Variants in PKHD1 observed in about 807,000 individuals in gnomAD.
The protein encoded by PKHD1 is PKHD1 ciliary IPT domain containing fibrocystin/polyductin.
A neutral mutation model predicts 412.0 loss-of-function variants in PKHD1; 291 were observed. The ratio of observed to expected loss-of-function variants is 0.71; its 90% confidence interval spans 0.64 to 0.78. The LOEUF (loss-of-function observed/expected upper bound fraction) is 0.78. Ranked by LOEUF, PKHD1 falls within the 30% of genes least tolerant of loss-of-function variation. The probability of loss-of-function intolerance (pLI) is 0.00; values close to 1 mark genes in which losing one functional copy is unlikely to be tolerated. For synonymous variants in PKHD1, 1,777 were observed against 1,821.5 expected, an observed-to-expected ratio of 0.98 and a Z score of 0.62; for missense variants, 4,825 against 4,950.7, an observed-to-expected ratio of 0.97 and a Z score of 0.76.
chr6:51,654,387 C>G (rs1771470875), intron 61 of PKHD1, among the ~76,000 whole-genome samples: 1 of 152,084 alleles, frequency 6.6e-6, no homozygotes, highest in Non-Finnish European at 1.5e-5. Context: ...TTTCAAATCT[C>G]TAGATTCTTA....
chr6:52,058,729 C>T, intron 15 of PKHD1, 128 bp from the exon 16 acceptor site: 1 of 862,352 alleles, frequency 1.2e-6, no homozygotes, highest in Non-Finnish European at 1.9e-6. Flanking sequence ...AACATATTAA[C>T]CCAGTTACCT....
intron 7 of PKHD1, among the ~76,000 whole-genome samples, chr6:52,073,058 C>G (rs1232657709): frequency 6.6e-6 from 1 of 152,166 alleles, no homozygotes; most frequent in Non-Finnish European, 1.5e-5. Context: ...TCTGACCCCA[C>G]TAATACAATT....
At chr6:51,866,450 A>G (rs1204014498) in intron 48 of PKHD1, among the ~76,000 whole-genome samples, 1 of 152,172 alleles carries the variant, frequency 6.6e-6, no homozygotes, top group Admixed American at 6.6e-5. Context: ...TGGTGGGATC[A>G]TGACCTGCCA....
Position 52,010,396 on chromosome 6 carries a change from A to C in PKHD1, c.5664T>G (p.Thr1888=). ...YNSSCNITME[T]EAEMECETPN... ...GCGTCTCACACTCCATCTCTGCCTC[A>C]GTTTCCATGGTAATGTTACAGGAGC... Residue 1888 remains threonine, a synonymous_variant, in exon 35 of 67, where the codon ACT becomes ACG. Transcript: ENST00000371117. The C allele has an allele frequency of 6.2e-7, 1 of 1,611,052 alleles. No homozygotes were observed. Among genetic ancestry groups the C allele is most frequent in the Non-Finnish European group, 8.5e-7 (1 of 1,177,254 alleles).
At chr6:51,761,677 T>C (rs542077796) in intron 55 of PKHD1, among the ~76,000 whole-genome samples, 1 of 152,166 alleles carries the variant, frequency 6.6e-6, no homozygotes, top group Admixed American at 6.6e-5. Flanking sequence ...AATACATGCA[T>C]CAAAACATCA....
rs867328640 is a variant in PKHD1 at position 52,025,569 on chromosome 6, A to G, written c.4241T>C (p.Leu1414Pro). The change falls in exon 32 of 67, where the codon CTT (leucine) becomes CCT (proline). Residue 1414 changes from leucine (L) to proline (P), a missense_variant. Coordinates refer to ENST00000371117, the MANE Select transcript of PKHD1 (RefSeq NM_138694.4). ...CCGAACTGACCTCCTTCTAGAGTTAAGAAGCAACCCCCTCACAGTAAGTAT... is the reference window on the plus strand; with the variant it reads ...CCGAACTGACCTCCTTCTAGAGTTAGGAAGCAACCCCCTCACAGTAAGTAT... ...GTILTVRGLL[L>P]NSRRRSVRVD... is the part of the protein sequence containing the mutation. The G allele has an allele frequency of 6.2e-7, 1 of 1,614,228 alleles. No homozygotes were observed. The highest frequency in any genetic ancestry group is 8.5e-7 in the Non-Finnish European group (1 of 1,180,046).
chr6:52,040,839 T>A (rs1360431761), intron 27 of PKHD1, among the ~76,000 whole-genome samples: 1 of 152,154 alleles, frequency 6.6e-6, no homozygotes, highest in Non-Finnish European at 1.5e-5. Flanking sequence ...CCCCTTCCCT[T>A]CTTGATTTTT....
intron 36 of PKHD1, among the ~76,000 whole-genome samples, chr6:51,949,935 T>C (rs1295845265): frequency 1.3e-5 from 2 of 152,026 alleles, no homozygotes; most frequent in African/African-American, 2.4e-5. Flanking sequence ...AAAATAGATA[T>C]CAGAAGAAAT....
At chr6:51,967,136 T>C (rs923135333) in intron 35 of PKHD1, among the ~76,000 whole-genome samples, 2 of 151,040 alleles carry the variant, frequency 1.3e-5, no homozygotes, top group East Asian at 3.9e-4. Flanking sequence ...GTTCTTCATA[T>C]GTCATAGAAA....
intron 60 of PKHD1, among the ~76,000 whole-genome samples, chr6:51,680,184 G>T (rs1158776788): frequency 6.6e-6 from 1 of 151,960 alleles, no homozygotes; most frequent in East Asian, 1.9e-4. Context: ...AGTCTCTCTA[G>T]CAGTACTAGA....
chr6:51,700,267 G>C (rs1470055930), intron 60 of PKHD1, among the ~76,000 whole-genome samples: 1 of 151,972 alleles, frequency 6.6e-6, no homozygotes, highest in African/African-American at 2.4e-5. Flanking sequence ...GACAGAATGA[G>C]AACTATGAAA....
At chr6:51,814,430 T>G (rs931761336) in intron 52 of PKHD1, among the ~76,000 whole-genome samples, 1 of 152,168 alleles carries the variant, frequency 6.6e-6, no homozygotes, top group East Asian at 1.9e-4. Context: ...CTTTTATAGT[T>G]TCACCAAAAA....
intron 35 of PKHD1, among the ~76,000 whole-genome samples, chr6:51,994,961 A>G (rs533515366): frequency 1.3e-5 from 2 of 152,274 alleles, no homozygotes; most frequent in East Asian, 3.9e-4. Context: ...AGATCAGCCA[A>G]TCTCAGACCA....
In PKHD1 at chr6:51,856,046, A is replaced by T; in HGVS notation, c.7758T>A (p.Tyr2586Ter). 6.2e-7 allele frequency: 1 copy of T among 1,604,118 alleles called. No individual in the cohort carries two copies. Among genetic ancestry groups the T allele is most frequent in the Non-Finnish European group, 8.5e-7 (1 of 1,171,304 alleles). The change falls in exon 49 of 67, where the codon TAT (tyrosine) becomes TAA (stop). Residue 2586 changes from tyrosine (Y) to a stop codon, truncating the protein, a stop_gained. Transcript: ENST00000371117. LOFTEE classifies it high-confidence loss of function. ...IGLANTPEVS[Y>*]DLTMTDSRNK... ...TTCTGCTGTCAGTCATGGTTAAATC[A>T]TAAGAAACTTCAGGAGTATTCGCTC...
At chr6:51,621,098 A>G (rs1205183836) in intron 66 of PKHD1, among the ~76,000 whole-genome samples, 1 of 152,164 alleles carries the variant, frequency 6.6e-6, no homozygotes, top group Non-Finnish European at 1.5e-5. Flanking sequence ...TTATGCCTCA[A>G]TACTTGTCTG....
intron 11 of PKHD1, 96 bp downstream of exon 11, chr6:52,069,361 T>C: frequency 1.1e-6 from 1 of 871,246 alleles, no homozygotes; most frequent in Non-Finnish European, 2.0e-6. Context: ...GCTTCGGGTG[T>C]TAATGGTCAT....
intron 43 of PKHD1, among the ~76,000 whole-genome samples, chr6:51,892,660 A>G (rs1779292383): frequency 6.6e-6 from 1 of 152,228 alleles, no homozygotes; most frequent in Admixed American, 6.5e-5. Context: ...TGGAAAGACA[A>G]GCCTAAATAT....
At chr6:51,962,441 C>A (rs930475576) in intron 35 of PKHD1, among the ~76,000 whole-genome samples, 1 of 152,114 alleles carries the variant, frequency 6.6e-6, no homozygotes, top group Non-Finnish European at 1.5e-5. Flanking sequence ...TAGAGACTTT[C>A]TTGCTCTGAA....
intron 50 of PKHD1, among the ~76,000 whole-genome samples, chr6:51,839,737 G>T (rs1029263468): frequency 1.3e-5 from 2 of 152,050 alleles, no homozygotes; most frequent in African/African-American, 4.8e-5. Context: ...TGGAATCTTA[G>T]TAGGTTATAG....
Sources: gnomAD v4.1 joint callset for allele counts (sites outside exome capture counted in the v4.1 genomes callset) on GRCh38, gnomAD v4.1.1 for gene constraint, MANE v1.5 for transcripts, NCBI Gene and HGNC (gene_info 2026-07-23, HGNC 2026-07-21) for gene names.